RYR3: variants seen among roughly 807,000 people sequenced by gnomAD.
RYR3 encodes brain ryanodine receptor-calcium release channel.
Under a neutral mutation model 584.3 loss-of-function variants are expected in RYR3, and 207 were observed. The observed-to-expected ratio is 0.35, with a 90% CI of 0.32 to 0.40. The LOEUF (loss-of-function observed/expected upper bound fraction) is 0.40, where lower values mean the gene tolerates loss of function less well. Ranked by LOEUF, RYR3 falls within the 10% of genes least tolerant of loss-of-function variation. The pLI is 1.00. For missense variants in RYR3, 5,616 were observed against 6,089.2 expected (o/e 0.92, Z 2.59); for synonymous variants, 2,416 against 2,248.5 (o/e 1.07, Z -2.11).
intron 69 of RYR3, among the ~76,000 whole-genome samples, chr15:33,805,930 T>G (rs979669133): frequency 6.8e-6 from 1 of 147,740 alleles, no homozygotes; most frequent in Admixed American, 6.7e-5. Context: ...ACCCTCCCCT[T>G]TTCTCCTCCC....
At chr15:33,698,706 C>A (rs2066045633) in intron 40 of RYR3, among the ~76,000 whole-genome samples, 1 of 152,064 alleles carries the variant, frequency 6.6e-6, no homozygotes, top group Admixed American at 6.5e-5. Context: ...GGAACAGAAG[C>A]CAGGGTCACG....
In RYR3 at chr15:33,813,511, G is replaced by A. The variant is rs896417975; in HGVS notation, c.10434G>A (p.Leu3478=). Reference sequence around the variant, plus strand: ...CCAAGAAGGCCGTCTGGCACAAACTGTTATCAAAGCAACGGAAACGGGCAG... The same window carrying A: ...CCAAGAAGGCCGTCTGGCACAAACTATTATCAAAGCAACGGAAACGGGCAG... ...LRSKKAVWHK[L]LSKQRKRAVV... is the part of the protein sequence containing the mutation. The change falls in exon 74 of 104, where the codon CTG becomes CTA. Residue 3478 remains leucine, a synonymous_variant. Transcript: ENST00000634891. 25 of 1,613,836 alleles carry A rather than the reference G, an allele frequency of 1.5e-5. No homozygotes were observed. Among genetic ancestry groups the A allele is most frequent in the Non-Finnish European group, 2.1e-5 (25 of 1,179,880 alleles).
Position 33,854,850 on chromosome 15 carries a change from A to G in RYR3, c.13945A>G (p.Ile4649Val). 2 of 1,613,916 alleles carry G rather than the reference A, an allele frequency of 1.2e-6. No individual in the cohort carries two copies. The highest frequency in any genetic ancestry group is 1.1e-5 in the South Asian group (1 of 91,060). The change falls in exon 98 of 104, where the codon ATC (isoleucine) becomes GTC (valine). Residue 4649 changes from isoleucine (I) to valine (V), a missense_variant. Physicochemically the swap from Ile to Val is conservative, Grantham distance 29 (BLOSUM62 3). Around this residue, in one of 9 missense-constraint regions of RYR3, gnomAD observed 918 missense variants for 887.4 expected, o/e 1.03. Transcript: ENST00000634891. ...CTTCTTTGCTGCTCACCTATTGGAC[A>G]TCGCAATGGGCTTCAAGACACTGAG... The part of the protein sequence containing the change: ...NFFFAAHLLD[I>V]AMGFKTLRTI...
At chr15:33,441,161 G>T (rs2046200092) in intron 1 of RYR3, among the ~76,000 whole-genome samples, 1 of 152,226 alleles carries the variant, frequency 6.6e-6, no homozygotes, top group Non-Finnish European at 1.5e-5. Flanking sequence ...ACAGGGCTGA[G>T]TGAAATTCAT....
chr15:33,767,026 T>C (rs1413122964), intron 60 of RYR3, among the ~76,000 whole-genome samples: 1 of 152,244 alleles, frequency 6.6e-6, no homozygotes, highest in Non-Finnish European at 1.5e-5. Flanking sequence ...GCCATGTTAG[T>C]ATGAGGATCA....
At chr15:33,778,849 C>G (rs1047920218) in intron 64 of RYR3, among the ~76,000 whole-genome samples, 2 of 152,206 alleles carry the variant, frequency 1.3e-5, no homozygotes, top group Non-Finnish European at 2.9e-5. Flanking sequence ...GAGGACCTGT[C>G]AATCCAGTGT....
chr15:33,741,841 C>T (rs191450618), intron 51 of RYR3, among the ~76,000 whole-genome samples: 3,235 of 152,226 alleles, frequency 0.021, 40 homozygotes, highest in South Asian at 0.032. Flanking sequence ...GTCTCGATTT[C>T]CTGACCTCAT....
chr15:33,443,401 G>A (rs1325963148), intron 1 of RYR3, among the ~76,000 whole-genome samples: 1 of 152,120 alleles, frequency 6.6e-6, no homozygotes, highest in Admixed American at 6.6e-5. Context: ...GCAACATTAA[G>A]AACACGACAT....
intron 43 of RYR3, among the ~76,000 whole-genome samples, chr15:33,719,739 C>G (rs2067767773): frequency 1.3e-5 from 2 of 152,046 alleles, no homozygotes; most frequent in African/African-American, 4.8e-5. Flanking sequence ...TGTAAGTATC[C>G]CTCCTGTGAG....
intron 78 of RYR3, 29 bp from the exon 79 acceptor site, chr15:33,821,241 T>G: frequency 2.0e-6 from 3 of 1,507,480 alleles, no homozygotes; most frequent in Non-Finnish European, 2.7e-6. Flanking sequence ...TAGGAACCAA[T>G]CTTTCCCTGT....
chr15:33,687,985 T>C (rs1596160682), intron 38 of RYR3, among the ~76,000 whole-genome samples: 1 of 152,150 alleles, frequency 6.6e-6, no homozygotes, highest in Non-Finnish European at 1.5e-5. Flanking sequence ...GGCAATACCA[T>C]TCAGGACGTA....
At chr15:33,574,232 T>C (rs1385914869) in intron 12 of RYR3, among the ~76,000 whole-genome samples, 3 of 152,200 alleles carry the variant, frequency 2.0e-5, no homozygotes, top group Non-Finnish European at 4.4e-5. Flanking sequence ...CATCTTTTCC[T>C]ATCATGTAAA....
chr15:33,840,652 T>G, intron 89 of RYR3, 173 bp from the exon 90 acceptor site: 1 of 630,900 alleles, frequency 1.6e-6, no homozygotes. Flanking sequence ...TGGCATCTCT[T>G]CAGAGTCACT....
intron 65 of RYR3, 46 bp downstream of exon 65, chr15:33,780,387 G>C: frequency 1.3e-6 from 2 of 1,598,506 alleles, no homozygotes; most frequent in Non-Finnish European, 1.7e-6. Context: ...CATGTGCTGA[G>C]AGGAGAGGAG....
rs142509317 is a variant in RYR3 at position 33,615,802 on chromosome 15, G to A, written c.2357+2427G>A. ...CATGTGGAAAACGGGGAGTGTTGTTGACAAGAGAGGCGCTGTAAGCACAGA... is the reference window on the plus strand; with the variant it reads ...CATGTGGAAAACGGGGAGTGTTGTTAACAAGAGAGGCGCTGTAAGCACAGA... On this transcript the variant is annotated intron_variant, in intron 19 of 103. Transcript: ENST00000634891. Among the ~76,000 whole-genome samples the A allele has an allele frequency of 1.3e-3, 195 of 152,306 alleles. 3 individuals carry two copies. The East Asian group carries it at 0.021, about 17-fold the overall frequency.
chr15:33,346,968 G>A (rs1218048964), intron 1 of RYR3, among the ~76,000 whole-genome samples: 1 of 152,176 alleles, frequency 6.6e-6, no homozygotes, highest in Non-Finnish European at 1.5e-5. Flanking sequence ...GCTGGGCATG[G>A]TGGTGGACAG....
At chr15:33,645,969 G>A (rs1289736432) in intron 28 of RYR3, among the ~76,000 whole-genome samples, 1 of 152,102 alleles carries the variant, frequency 6.6e-6, no homozygotes, top group African/African-American at 2.4e-5. Flanking sequence ...ATGTTTTCAT[G>A]CCCAGTGACA....
intron 34 of RYR3, among the ~76,000 whole-genome samples, chr15:33,661,732 C>G (rs1008749000): frequency 3.3e-5 from 5 of 152,096 alleles, no homozygotes; most frequent in Non-Finnish European, 7.4e-5. Flanking sequence ...GGATTGGGAA[C>G]CCCTGATGTA....
chr15:33,739,503 A>G (rs1439663901), intron 50 of RYR3, among the ~76,000 whole-genome samples: 1 of 145,616 alleles, frequency 6.9e-6, no homozygotes, highest in African/African-American at 2.6e-5. Flanking sequence ...TTAGCAGACA[A>G]GTTTATAGTC....
Sources: allele counts gnomAD v4.1 joint callset (sites outside exome capture counted in the v4.1 genomes callset), GRCh38; gene constraint gnomAD v4.1.1; regional missense constraint gnomAD v4.1.1; transcripts MANE v1.5; gene names NCBI Gene and HGNC (gene_info 2026-07-23, HGNC 2026-07-21).